The following NCAM2 variants were observed in gnomAD, a reference collection of about 807,000 sequenced individuals.
NCAM2 encodes N-CAM-2.
In NCAM2, 30 loss-of-function variants were observed where a neutral mutation model predicts 98.1. The ratio of observed to expected loss-of-function variants is 0.31; its 90% CI spans 0.23 to 0.41. The LOEUF (loss-of-function observed/expected upper bound fraction) is 0.41, where lower values mean the gene tolerates loss of function less well. Among genes scored for constraint, NCAM2 ranks in the 10% least tolerant of loss-of-function variants. The pLI is 1.00. For synonymous variants in NCAM2, 368 were observed against 342.4 expected (o/e 1.07, Z -0.83); for missense variants, 867 against 1,005.8 (o/e 0.86, Z 1.87).
chr21:21,336,896 C>A (rs1487363318), intron 7 of NCAM2, among the ~76,000 whole-genome samples: 1 of 152,060 alleles, frequency 6.6e-6, no homozygotes, highest in Non-Finnish European at 1.5e-5. Context: ...AGTTATTCAG[C>A]AGGATAATGT....
chr21:21,068,458 A>ATTTTTTTT (rs566218063), intron 1 of NCAM2, among the ~76,000 whole-genome samples: 1 of 112,460 alleles, frequency 8.9e-6, no homozygotes, highest in Non-Finnish European at 1.8e-5. Context: ...ATGGTATTGC[A>ATTTTTTTT]TTTTTTTTTT....
chr21:21,351,913 A>AT lies in NCAM2; in HGVS notation c.1044+13386dup, dbSNP rs546506796. On this transcript the variant is annotated intron_variant, in intron 8 of 17. Transcript: ENST00000400546. ...AGGCACACGCCATCACGCCCGGCTA[A>AT]TTTTTTTATTATTATTACTAGAGAC... Among the ~76,000 whole-genome samples, 5 of 152,082 alleles carry AT rather than the reference A, an allele frequency of 3.3e-5. No homozygotes were observed. In the South Asian group the frequency reaches 8.3e-4, roughly 25 times the overall value.
At chr21:21,198,049 T>G (rs80292382) in intron 1 of NCAM2, among the ~76,000 whole-genome samples, 2,120 of 152,300 alleles carry the variant, frequency 0.014, 42 homozygotes, top group African/African-American at 0.049. Context: ...ATCACTCTTA[T>G]GGGTAATCAT....
At chr21:21,465,832 A>G (rs1362649365) in intron 12 of NCAM2, among the ~76,000 whole-genome samples, 1 of 152,086 alleles carries the variant, frequency 6.6e-6, no homozygotes, top group Admixed American at 6.6e-5. Flanking sequence ...TGGCAACTAT[A>G]AAATTCTGGT....
At chr21:21,079,224 T>C (rs915174290) in intron 1 of NCAM2, among the ~76,000 whole-genome samples, 2 of 149,804 alleles carry the variant, frequency 1.3e-5, no homozygotes, top group African/African-American at 5.1e-5. Flanking sequence ...ACAAAACGTT[T>C]CTTTTGAATT....
At chr21:21,266,434 G>A (rs187416591) in intron 1 of NCAM2, among the ~76,000 whole-genome samples, 4 of 152,098 alleles carry the variant, frequency 2.6e-5, no homozygotes, top group Admixed American at 6.6e-5. Flanking sequence ...AAATAATTAT[G>A]CGGTACTATT....
At chr21:21,424,283 T>C (rs1461719290) in intron 11 of NCAM2, among the ~76,000 whole-genome samples, 2 of 152,244 alleles carry the variant, frequency 1.3e-5, no homozygotes, top group East Asian at 3.8e-4. Flanking sequence ...TAATCACTTT[T>C]TAATTCATTC....
chr21:21,323,663 TTCC>T (rs2074435635), intron 5 of NCAM2, among the ~76,000 whole-genome samples: 2 of 152,184 alleles, frequency 1.3e-5, no homozygotes, highest in African/African-American at 4.8e-5. Context: ...TTTCAACATG[TTCC>T]AAATGTGCAG....
At chr21:21,045,807 CATG>C (rs1205214672) in intron 1 of NCAM2, among the ~76,000 whole-genome samples, 2 of 152,198 alleles carry the variant, frequency 1.3e-5, no homozygotes, top group Non-Finnish European at 2.9e-5. Flanking sequence ...AAATATGTCA[CATG>C]ATGTTAGCCA....
rs557494757 is a variant in NCAM2 at position 21,266,638 on chromosome 21, G to A, written c.56-13940G>A. ...TCACAGGGACAAAAAAACAAACACCGTGTGTTCTCACTCATAGGTGGGAAT... is the reference window on the plus strand; with the variant it reads ...TCACAGGGACAAAAAAACAAACACCATGTGTTCTCACTCATAGGTGGGAAT... On this transcript the variant is annotated intron_variant, in intron 1 of 17. Coordinates refer to ENST00000400546, the MANE Select transcript of NCAM2 (RefSeq NM_004540.5). Among the ~76,000 whole-genome samples, 5 of 151,876 alleles carry A rather than the reference G, an allele frequency of 3.3e-5. No homozygotes were observed. In the South Asian group the frequency reaches 6.3e-4, roughly 19 times the overall value.
At chr21:21,497,255 G>T (rs1602502157) in intron 15 of NCAM2, among the ~76,000 whole-genome samples, 1 of 152,168 alleles carries the variant, frequency 6.6e-6, no homozygotes, top group South Asian at 2.1e-4. Flanking sequence ...CAAGCTGTGT[G>T]CTCGCTATCA....
chr21:21,042,312 G>A (rs1299376476), intron 1 of NCAM2, among the ~76,000 whole-genome samples: 1 of 152,010 alleles, frequency 6.6e-6, no homozygotes, highest in Non-Finnish European at 1.5e-5. Flanking sequence ...AGCCTCCCGA[G>A]TAGCTGGTAT....
intron 1 of NCAM2, among the ~76,000 whole-genome samples, chr21:21,193,136 C>G (rs2068880396): frequency 6.6e-6 from 1 of 152,136 alleles, no homozygotes; most frequent in South Asian, 2.1e-4. Context: ...CTCTGTTTAT[C>G]CCAGTCCATT....
At chr21:21,352,225 T>C (rs1258609163) in intron 8 of NCAM2, among the ~76,000 whole-genome samples, 1 of 152,124 alleles carries the variant, frequency 6.6e-6, no homozygotes, top group Non-Finnish European at 1.5e-5. Context: ...CCACCATGAC[T>C]AGCTAAATTT....
rs139238481 is a variant in NCAM2 at position 21,532,393 on chromosome 21, G to T, written c.2283-2144G>T. Among the ~76,000 whole-genome samples, 31 of 151,870 alleles carry T rather than the reference G, an allele frequency of 2.0e-4. No homozygotes were observed. The East Asian group carries it at 6.0e-3, about 29-fold the overall frequency. Reference sequence around the variant, plus strand: ...AGAATGTCTCTGGAAAAAAATTAATGTAATAAAAATTAAAATTAAAAAGGT... The same window carrying T: ...AGAATGTCTCTGGAAAAAAATTAATTTAATAAAAATTAAAATTAAAAAGGT... On this transcript the variant is annotated intron_variant, in intron 16 of 17. Coordinates refer to ENST00000400546, the MANE Select transcript of NCAM2 (RefSeq NM_004540.5).
At chr21:21,011,019 A>G (rs1005246164) in intron 1 of NCAM2, among the ~76,000 whole-genome samples, 1 of 152,114 alleles carries the variant, frequency 6.6e-6, no homozygotes, top group Non-Finnish European at 1.5e-5. Context: ...TTTCATGCAT[A>G]CAGGGGAGAA....
At chr21:21,255,124 G>T (rs1028771772) in intron 1 of NCAM2, among the ~76,000 whole-genome samples, 1 of 152,158 alleles carries the variant, frequency 6.6e-6, no homozygotes, top group Non-Finnish European at 1.5e-5. Context: ...TAAATGTCGG[G>T]ATCTCATGGT....
intron 1 of NCAM2, chr21:21,226,842 C>CA (rs1358524490): frequency 6.6e-6 from 1 of 152,022 alleles, no homozygotes; most frequent in Admixed American, 6.6e-5. Flanking sequence ...AGGAACAACA[C>CA]AAGGGTACTT....
chr21:21,236,642 G>T (rs2070837710), intron 1 of NCAM2, among the ~76,000 whole-genome samples: 1 of 151,970 alleles, frequency 6.6e-6, no homozygotes, highest in Non-Finnish European at 1.5e-5. Flanking sequence ...AATAAAGTGA[G>T]ATAAACTTGG....
Sources: allele counts gnomAD v4.1 joint callset (sites outside exome capture counted in the v4.1 genomes callset), GRCh38; gene constraint gnomAD v4.1.1; transcripts MANE v1.5; gene names NCBI Gene and HGNC (gene_info 2026-07-23, HGNC 2026-07-21).